EIF2S3: variants seen among roughly 807,000 people sequenced by gnomAD.
EIF2S3 encodes the protein eukaryotic translation initiation factor 2 subunit gamma.
In EIF2S3, 2 loss-of-function variants were observed where a neutral mutation model predicts 31.7. That is an observed-to-expected ratio of 0.06 (90% CI 0.03 to 0.20). The LOEUF is 0.20. Ranked by LOEUF, EIF2S3 falls within the 10% of genes least tolerant of loss-of-function variation. The pLI is 1.00. For synonymous variants in EIF2S3, 120 were observed against 126.7 expected (o/e 0.95, Z 0.36); for missense variants, 96 against 359.3 (o/e 0.27, Z 5.92).
At chrX:24,064,103 A>G (rs1340574591) in intron 6 of EIF2S3, 98 bp from the exon 7 acceptor site, 6 of 782,784 alleles carry the variant, frequency 7.7e-6, no homozygotes, top group Middle Eastern at 4.8e-4. Context: ...TTAGGCATCT[A>G]TTTTATTATA....
intron 8 of EIF2S3, among the ~76,000 whole-genome samples, chrX:24,066,665 C>G (rs939140349): frequency 1.8e-5 from 2 of 110,351 alleles, no homozygotes; most frequent in Admixed American, 9.7e-5. Context: ...AAGCACCCCC[C>G]ACCATGCCCA....
At chrX:24,055,254 C>A (rs925452543) in intron 1 of EIF2S3, among the ~76,000 whole-genome samples, 12 of 111,873 alleles carry the variant, frequency 1.1e-4, no homozygotes, top group African/African-American at 3.9e-4. Context: ...GGACTTCTAG[C>A]TTCTGGAGGG....
At chrX:24,074,485 G>C (rs1047493415) in intron 11 of EIF2S3, among the ~76,000 whole-genome samples, 1 of 111,523 alleles carries the variant, frequency 9.0e-6, no homozygotes, top group African/African-American at 3.3e-5. Flanking sequence ...GCAATCTGTA[G>C]GGAGATCTTT....
chrX:24,062,358 C>T lies in EIF2S3; in HGVS notation c.479-58C>T, dbSNP rs955387766. The stretch of plus-strand genomic sequence containing the variant: ...TTTGTCTCTTTATGGATTTGCCCGC[C>T]TATTCTGGATATTTCCAGCTATTCT... On this transcript the variant is annotated intron_variant, in intron 5 of 11. Coordinates refer to ENST00000253039, the MANE Select transcript of EIF2S3 (RefSeq NM_001415.4). 20 of 1,133,614 alleles carry T rather than the reference C, an allele frequency of 1.8e-5. No individual in the cohort carries two copies. In the Admixed American group the frequency reaches 5.1e-4, roughly 29 times the overall value. The allele number at this position is 1,133,614 out of a possible 1,213,427, so 93.4% of individuals were successfully genotyped here. A position where few individuals can be genotyped will look rare whatever the true frequency, so the allele number is the denominator to read the frequency against.
Position 24,077,547 on chromosome X carries a change from CCTT to C in EIF2S3, c.*765_*767del, listed in dbSNP as rs1429066938. On this transcript the variant is annotated 3_prime_UTR_variant, in exon 12 of 12. Transcript: ENST00000253039. ...TAAAGGCACAAATTCTCCTTGAAGA[CCTT>C]CTCCCTTTTATGTGGCCCCATATTT... The C allele has an allele frequency of 1.8e-5, 2 of 112,448 alleles. No individual in the cohort carries two copies. The highest frequency in any genetic ancestry group is 6.5e-5 in the African/African-American group (2 of 31,002). The allele number at this position is 112,448 out of a possible 1,213,427, so 9.3% of individuals were successfully genotyped here.
At position 24,078,241 on chromosome X, in the gene EIF2S3, G is replaced by T. The variant is rs1410435050; in HGVS notation, c.*1456G>T. On this transcript the variant is annotated 3_prime_UTR_variant, in exon 12 of 12. Transcript: ENST00000253039. ...GGGTTTCACCATGTTGCCCAGGCTG[G>T]TCTTGAACTCCTAACCTCAGGTGAT... Among the ~76,000 whole-genome samples, 5 of 110,446 alleles carry T rather than the reference G, an allele frequency of 4.5e-5. No homozygotes were observed. Among genetic ancestry groups the T allele is most frequent in the Admixed American group, 1.9e-4 (2 of 10,284 alleles).
At chrX:24,057,879 G>A (rs1455663345) in intron 4 of EIF2S3, 125 bp downstream of exon 4, 2 of 823,143 alleles carry the variant, frequency 2.4e-6, no homozygotes, top group Non-Finnish European at 3.2e-6. Flanking sequence ...TTTTTCCATT[G>A]TTTATGTTTT....
intron 4 of EIF2S3, among the ~76,000 whole-genome samples, chrX:24,059,308 A>G (rs1418494771): frequency 8.9e-6 from 1 of 112,385 alleles, no homozygotes; most frequent in African/African-American, 3.2e-5. Context: ...TTAAAAAAAC[A>G]ATTGTGACTC....
At chrX:24,060,574 G>T (rs183852198) in intron 5 of EIF2S3, 3 of 161,861 alleles carry the variant, frequency 1.9e-5, no homozygotes, top group Non-Finnish European at 3.5e-5. Context: ...TTCATAATAC[G>T]TGCTGAAGTG....
chrX:24,059,099 T>C (rs1395574590), intron 4 of EIF2S3, among the ~76,000 whole-genome samples: 1 of 112,408 alleles, frequency 8.9e-6, no homozygotes, highest in Non-Finnish European at 1.9e-5. Flanking sequence ...TGGCCTTTAA[T>C]AGGGGATCAG....
intron 4 of EIF2S3, among the ~76,000 whole-genome samples, chrX:24,057,994 T>C (rs1602040239): frequency 8.9e-6 from 1 of 112,491 alleles, no homozygotes; most frequent in East Asian, 2.8e-4. Context: ...AAACAACTCA[T>C]TGGATTGAAG....
intron 9 of EIF2S3, among the ~76,000 whole-genome samples, chrX:24,070,930 A>G (rs963199365): frequency 3.6e-5 from 4 of 111,507 alleles, no homozygotes; most frequent in Non-Finnish European, 5.6e-5. Context: ...CCAGGTCAGT[A>G]ATACTTACCA....
At chrX:24,068,954 A>G (rs1930619637) in intron 9 of EIF2S3, among the ~76,000 whole-genome samples, 1 of 112,290 alleles carries the variant, frequency 8.9e-6, no homozygotes, top group African/African-American at 3.2e-5. Flanking sequence ...AGTGAGAATT[A>G]GAAGGGGTGT....
chrX:24,062,440 C>G lies in EIF2S3; in HGVS notation c.503C>G (p.Pro168Arg). 1 of 1,203,871 alleles carries G rather than the reference C, an allele frequency of 8.3e-7. No individual in the cohort carries two copies. The highest frequency in any genetic ancestry group is 1.1e-6 in the Non-Finnish European group (1 of 893,428). ...LIAGNESCPQ[P>R]QTSEHLAAIE... ...GCTGGTAATGAATCTTGCCCTCAGC[C>G]TCAGACATCGGAACACCTGGCTGCT... Residue 168 changes from proline (P) to arginine (R), a missense_variant, in exon 6 of 12, where the codon CCT (proline) becomes CGT (arginine). Pro to Arg is a moderately radical substitution (Grantham distance 103). This residue lies in a region of EIF2S3 where 30 missense variants were observed against 139.5 expected (regional missense o/e 0.22). Coordinates refer to ENST00000253039, the MANE Select transcript of EIF2S3 (RefSeq NM_001415.4).
rs1303832306 is a variant in EIF2S3, at chrX:24,077,455, T to C, written c.*670T>C. 1 of 112,237 alleles carries C rather than the reference T, an allele frequency of 8.9e-6. No homozygotes were observed. Among genetic ancestry groups the C allele is most frequent in the Non-Finnish European group, 1.9e-5 (1 of 53,290 alleles). The allele number at this position is 112,237 out of a possible 1,213,427, so 9.2% of individuals were successfully genotyped here. ...CACTGAACCTGTTTGAAATAAAGTT[T>C]TTTTTCTTTTTCATGATTCGTCTTT... On this transcript the variant is annotated 3_prime_UTR_variant, in exon 12 of 12. Transcript: ENST00000253039.
chrX:24,061,226 C>T (rs1230653564), intron 5 of EIF2S3, among the ~76,000 whole-genome samples: 1 of 100,957 alleles, frequency 9.9e-6, no homozygotes, highest in Admixed American at 1.1e-4. Flanking sequence ...CATTGCACTC[C>T]AGCCTGGGCG....
chrX:24,055,749 C>G, intron 2 of EIF2S3, 71 bp downstream of exon 2: 2 of 980,848 alleles, frequency 2.0e-6, no homozygotes, highest in Non-Finnish European at 2.9e-6. Flanking sequence ...TGTGTGATTA[C>G]TTGAATAGTA....
intron 11 of EIF2S3, among the ~76,000 whole-genome samples, chrX:24,073,939 T>C (rs1458984440): frequency 8.9e-6 from 1 of 112,346 alleles, no homozygotes; most frequent in African/African-American, 3.2e-5. Context: ...TATAAGTTTT[T>C]TTCTGAACCA....
intron 2 of EIF2S3, 44 bp from the exon 3 acceptor site, chrX:24,057,377 G>C: frequency 8.6e-7 from 1 of 1,164,307 alleles, no homozygotes; most frequent in East Asian, 3.0e-5. Flanking sequence ...TATTTGGTAT[G>C]TAATTAAATA....
Sources: gnomAD v4.1 joint callset for allele counts (sites outside exome capture counted in the v4.1 genomes callset) on GRCh38, gnomAD v4.1.1 for gene constraint, gnomAD v4.1.1 regional missense constraint, MANE v1.5 for transcripts, NCBI Gene and HGNC (gene_info 2026-07-23, HGNC 2026-07-21) for gene names.